The following CFH variants were observed in gnomAD, a reference collection of about 807,000 sequenced individuals.
CFH encodes H factor 1 (complement).
In CFH, 53 loss-of-function variants were observed where a neutral mutation model predicts 147.3. The ratio of observed to expected loss-of-function variants is 0.36; its 90% CI spans 0.29 to 0.45. The LOEUF (loss-of-function observed/expected upper bound fraction) is 0.45, where lower values mean the gene tolerates loss of function less well. Among genes scored for constraint, CFH ranks in the 20% least tolerant of loss-of-function variants. CFH has a pLI of 1.00. For missense variants in CFH, 1,380 were observed against 1,498.0 expected, an observed-to-expected ratio of 0.92 and a Z score of 1.30; for synonymous variants, 536 against 489.4, an observed-to-expected ratio of 1.10 and a Z score of -1.26.
chr1:196,711,174 A>G (rs1668716065), intron 9 of CFH, among the ~76,000 whole-genome samples: 1 of 151,826 alleles, frequency 6.6e-6, no homozygotes, highest in Non-Finnish European at 1.5e-5. Flanking sequence ...CTTCTTTATT[A>G]TTTCATCTCT....
chr1:196,680,524 A>G (rs1032343272), intron 6 of CFH, among the ~76,000 whole-genome samples: 16 of 151,932 alleles, frequency 1.1e-4, no homozygotes, highest in African/African-American at 3.4e-4. Flanking sequence ...AAATTATGCC[A>G]TAAGACGTAC....
chr1:196,737,552 G>C lies in CFH; in HGVS notation c.2674G>C (p.Ala892Pro). Reference protein sequence around the residue: ...NSSRSSQESYAHGTKLSYTCE... With the variant: ...NSSRSSQESYPHGTKLSYTCE... The stretch of plus-strand genomic sequence containing the variant: ...ATCCAGGTCTTCACAAGAAAGTTAT[G>C]CACATGGGACTAAATTGAGTTATAC... Residue 892 changes from alanine to proline, a missense_variant, in exon 17 of 22, where the codon GCA (alanine) becomes CCA (proline). Physicochemically the swap from Ala to Pro is conservative, Grantham distance 27. Transcript: ENST00000367429. The C allele has an allele frequency of 6.2e-7, 1 of 1,613,250 alleles. No individual in the cohort carries two copies. The highest frequency in any genetic ancestry group is 1.3e-5 in the African/African-American group (1 of 74,990).
At chr1:196,656,318 A>C (rs913401128) in intron 1 of CFH, among the ~76,000 whole-genome samples, 2 of 151,734 alleles carry the variant, frequency 1.3e-5, no homozygotes, top group African/African-American at 4.8e-5. Context: ...AGAAAAAAAA[A>C]AAAAAGAAAG....
At position 196,741,940 on chromosome 1, in the gene CFH, T is replaced by C. The variant is rs769775312; in HGVS notation, c.3022T>C (p.Tyr1008His). ...ACCCATGGGAGAGAAGAAGGATGTG[T>C]ATAAGGCGGGTGAGCAAGTGACTTA... ...AIPMGEKKDVYKAGEQVTYTC... is the reference protein window; with the variant it reads ...AIPMGEKKDVHKAGEQVTYTC... The change falls in exon 19 of 22, where the codon TAT (tyrosine) becomes CAT (histidine). Residue 1008 changes from tyrosine (Y) to histidine (H), a missense_variant. Transcript: ENST00000367429. 43 of 1,614,066 alleles carry C rather than the reference T, an allele frequency of 2.7e-5. No homozygotes were observed. In the Admixed American group the frequency reaches 7.2e-4, roughly 27 times the overall value.
At position 196,726,672 on chromosome 1, in the gene CFH, T is replaced by A; in HGVS notation, c.2056+20T>A. On this transcript the variant is annotated intron_variant, in intron 13 of 21. Transcript: ENST00000367429. ...GTATTGGTAATGTATAAAATATTAATATTTAAACTTGTCAAAACTTTTGTA... is the reference window on the plus strand; with the variant it reads ...GTATTGGTAATGTATAAAATATTAAAATTTAAACTTGTCAAAACTTTTGTA... 1 of 1,605,732 alleles carries A rather than the reference T, an allele frequency of 6.2e-7. No homozygotes were observed. Among genetic ancestry groups the A allele is most frequent in the Non-Finnish European group, 8.5e-7 (1 of 1,172,944 alleles).
intron 11 of CFH, among the ~76,000 whole-genome samples, chr1:196,724,282 A>G (rs1669074807): frequency 6.6e-6 from 1 of 151,844 alleles, no homozygotes. Context: ...TGTTATGGGG[A>G]CAGAGGGCTG....
intron 9 of CFH, among the ~76,000 whole-genome samples, chr1:196,710,579 T>C (rs959831211): frequency 4.6e-5 from 7 of 152,196 alleles, no homozygotes; most frequent in African/African-American, 1.7e-4. Context: ...ATTGTTTAGC[T>C]GTTTTAGCCC....
chr1:196,701,411 G>T (rs959407205), intron 9 of CFH: 6 of 1,608,160 alleles, frequency 3.7e-6, no homozygotes, highest in Non-Finnish European at 5.1e-6. Flanking sequence ...TTTGAGTCTT[G>T]CCAGGTCAAT....
chr1:196,657,055 G>A (rs1386533092), intron 1 of CFH, among the ~76,000 whole-genome samples: 4 of 151,994 alleles, frequency 2.6e-5, no homozygotes, highest in African/African-American at 4.8e-5. Context: ...GCAGTGGTGC[G>A]ATCATAGTTC....
chr1:196,688,560 T>A (rs1667905679), intron 7 of CFH, among the ~76,000 whole-genome samples: 1 of 152,136 alleles, frequency 6.6e-6, no homozygotes, highest in Non-Finnish European at 1.5e-5. Flanking sequence ...TGTGTTTCTC[T>A]ATATTTTTAC....
At chr1:196,658,806 T>C (rs1327847858) in intron 1 of CFH, among the ~76,000 whole-genome samples, 2 of 151,986 alleles carry the variant, frequency 1.3e-5, no homozygotes, top group Non-Finnish European at 2.9e-5. Context: ...CTGGGGTCTA[T>C]TGATCCTCTT....
intron 11 of CFH, among the ~76,000 whole-genome samples, chr1:196,718,684 G>C (rs1668928571): frequency 6.6e-6 from 1 of 151,974 alleles, no homozygotes; most frequent in South Asian, 2.1e-4. Context: ...CTTCAAAAAA[G>C]AACACAAAAT....
At chr1:196,716,939 T>C (rs1668883208) in intron 11 of CFH, among the ~76,000 whole-genome samples, 1 of 151,950 alleles carries the variant, frequency 6.6e-6, no homozygotes. Flanking sequence ...TTTCGGAATA[T>C]CATCATATAA....
intron 1 of CFH, among the ~76,000 whole-genome samples, chr1:196,668,736 C>A (rs189933110): frequency 2.0e-5 from 3 of 152,312 alleles, no homozygotes; most frequent in East Asian, 3.9e-4. Flanking sequence ...TTGTAAGTTT[C>A]CTGAAGCCTC....
At chr1:196,700,639 T>C (rs1007543027) in intron 9 of CFH, among the ~76,000 whole-genome samples, 8 of 147,790 alleles carry the variant, frequency 5.4e-5, no homozygotes, top group Non-Finnish European at 1.0e-4. Flanking sequence ...GGGAGACAGA[T>C]TGAGATTCCG....
At chr1:196,733,736 T>A (rs1252529206) in intron 15 of CFH, among the ~76,000 whole-genome samples, 2 of 152,186 alleles carry the variant, frequency 1.3e-5, no homozygotes, top group East Asian at 3.9e-4. Flanking sequence ...CAAGTTTGTG[T>A]GGACAAACTT....
chr1:196,693,282 A>C (rs1470089206), intron 9 of CFH, among the ~76,000 whole-genome samples: 1 of 152,134 alleles, frequency 6.6e-6, no homozygotes, highest in Non-Finnish European at 1.5e-5. Context: ...CCTTTAAAAT[A>C]GTCATTTAAA....
intron 4 of CFH, 27 bp from the exon 5 acceptor site, chr1:196,677,449 A>G (rs760046817): frequency 6.2e-7 from 1 of 1,603,028 alleles, no homozygotes; most frequent in East Asian, 2.2e-5. Context: ...AAATTCCATT[A>G]GAAAACATTA....
chr1:196,694,304 C>T (rs773217805), intron 9 of CFH, among the ~76,000 whole-genome samples: 16 of 152,112 alleles, frequency 1.1e-4, no homozygotes, highest in Non-Finnish European at 1.2e-4. Context: ...TGGTTTCCAG[C>T]TTCGTCCATG....
Sources: gnomAD v4.1 joint callset for allele counts (sites outside exome capture counted in the v4.1 genomes callset) on GRCh38, gnomAD v4.1.1 for gene constraint, MANE v1.5 for transcripts, NCBI Gene and HGNC (gene_info 2026-07-23, HGNC 2026-07-21) for gene names.